CCAR1: variants seen among roughly 807,000 people sequenced by gnomAD.
CCAR1 encodes cell division cycle and apoptosis regulator protein 1.
A neutral mutation model predicts 163.8 loss-of-function variants in CCAR1; 78 were observed. The observed-to-expected ratio is 0.48, with a 90% confidence interval of 0.40 to 0.57. The LOEUF (loss-of-function observed/expected upper bound fraction) is 0.57, where lower values mean the gene tolerates loss of function less well. CCAR1 is among the 20% of genes least tolerant of loss of function. The pLI is 0.00. For synonymous variants in CCAR1, 443 were observed against 460.7 expected, an observed-to-expected ratio of 0.96 and a Z score of 0.49; for missense variants, 1,019 against 1,365.2, an observed-to-expected ratio of 0.75 and a Z score of 4.00.
intron 19 of CCAR1, among the ~76,000 whole-genome samples, chr10:68,780,668 A>G (rs1483578805): frequency 2.0e-5 from 3 of 152,178 alleles, no homozygotes; most frequent in African/African-American, 4.8e-5. Context: ...TTCCAACAGC[A>G]TGTGCCACTT....
At position 68,749,578 on chromosome 10, in the gene CCAR1, A is replaced by G. The variant is rs1357094871; in HGVS notation, c.1011A>G (p.Lys337=). The G allele has an allele frequency of 1.9e-6, 3 of 1,614,030 alleles. No individual in the cohort carries two copies. The highest frequency in any genetic ancestry group is 2.5e-6 in the Non-Finnish European group (3 of 1,179,930). ...RRSRERSPQR[K]RSRERSPRRE... Reference sequence around the variant, plus strand: ...CGAGAGAAAGATCACCTCAGAGGAAACGTTCCCGGGAAAGATCTCCACGAA... The same window carrying G: ...CGAGAGAAAGATCACCTCAGAGGAAGCGTTCCCGGGAAAGATCTCCACGAA... The change falls in exon 10 of 25, where the codon AAA becomes AAG. Residue 337 remains lysine (K), a synonymous_variant. Transcript: ENST00000265872.
At chr10:68,776,122 C>G (rs1430078043) in intron 19 of CCAR1, among the ~76,000 whole-genome samples, 7 of 152,154 alleles carry the variant, frequency 4.6e-5, no homozygotes, top group African/African-American at 1.7e-4. Flanking sequence ...AGCCACTGAC[C>G]CCAGCCCAGC....
chr10:68,742,595 T>A, intron 6 of CCAR1, 26 bp downstream of exon 6: 3 of 1,559,278 alleles, frequency 1.9e-6, no homozygotes. Flanking sequence ...TCTTGTCACA[T>A]GGCTTCTTGC....
intron 17 of CCAR1, among the ~76,000 whole-genome samples, chr10:68,766,449 C>T (rs997550569): frequency 2.6e-5 from 4 of 151,740 alleles, no homozygotes; most frequent in Non-Finnish European, 2.9e-5. Flanking sequence ...GTGATCTGCC[C>T]GCCTCAGCCT....
At chr10:68,746,520 G>C (rs1482638790) in intron 6 of CCAR1, among the ~76,000 whole-genome samples, 1 of 152,120 alleles carries the variant, frequency 6.6e-6, no homozygotes, top group Non-Finnish European at 1.5e-5. Context: ...GTCACCCAAA[G>C]TGCTGAGATT....
Position 68,766,228 on chromosome 10 carries a change from A to G in CCAR1, c.2298+149A>G, listed in dbSNP as rs1278665859. On this transcript the variant is annotated intron_variant, in intron 17 of 24. Transcript: ENST00000265872. ...TTGTTTTTGTTTTTTTTTGAGACAG[A>G]GTTTCACTCTGTTACCCATGCTGGA... 5.0e-6 allele frequency: 3 copies of G among 598,292 alleles called. No individual in the cohort carries two copies. The African/African-American group carries it at 5.7e-5, about 11-fold the overall frequency. 37.1% of individuals were successfully genotyped at this position (598,292 alleles called of 1,614,324 possible).
At chr10:68,760,084 G>A (rs529094502) in intron 15 of CCAR1, among the ~76,000 whole-genome samples, 3 of 152,142 alleles carry the variant, frequency 2.0e-5, no homozygotes, top group African/African-American at 7.2e-5. Context: ...CTTCCACCTT[G>A]GACTCCAAAG....
chr10:68,768,772 C>A (rs534570006), intron 17 of CCAR1, among the ~76,000 whole-genome samples: 1 of 151,912 alleles, frequency 6.6e-6, no homozygotes, highest in Non-Finnish European at 1.5e-5. Context: ...GAGTCTGAGG[C>A]CAGCCTGGGC....
rs375332904 is a variant in CCAR1 at position 68,740,887 on chromosome 10, A to T, written c.324+226A>T. On this transcript the variant is annotated intron_variant, in intron 5 of 24. Transcript: ENST00000265872. ...TTGAATAAATATGAGGTTTTATTTT[A>T]TTTATTTATTTATTTATTTATTTAT... 1.7e-3 allele frequency among the ~76,000 whole-genome samples: 196 copies of T among 114,758 alleles called. 1 individual carries two copies. The South Asian group carries it at 0.018, about 11-fold the overall frequency. The allele number at this position is 114,758 out of a possible 152,430, so 75.3% of individuals were successfully genotyped here. A position where few individuals can be genotyped will look rare whatever the true frequency, so the allele number is the denominator to read the frequency against.
rs2055870903 is a variant in CCAR1, at chr10:68,722,328, AGTT to A, written c.-50-123_-50-121del. The A allele has an allele frequency of 1.2e-5, 7 of 607,672 alleles. No homozygotes were observed. The Middle Eastern group carries it at 1.4e-3, about 119-fold the overall frequency. 37.6% of individuals were successfully genotyped at this position (607,672 alleles called of 1,614,324 possible). A position where few individuals can be genotyped will look rare whatever the true frequency, so the allele number is the denominator to read the frequency against. Reference sequence around the variant, plus strand: ...TTCATTTGCCCTTTTTCTACTTAACAGTTGTTATTTCTGCTGAAATCTGCGAAG... The same window carrying A: ...TTCATTTGCCCTTTTTCTACTTAACAGTTATTTCTGCTGAAATCTGCGAAG... On this transcript the variant is annotated intron_variant, in intron 1 of 24. Transcript: ENST00000265872.
intron 19 of CCAR1, among the ~76,000 whole-genome samples, chr10:68,784,539 TTCTGTGGGTCAGATGCTATCAAAC>T (rs2056773980): frequency 6.6e-6 from 1 of 152,134 alleles, no homozygotes; most frequent in South Asian, 2.1e-4. Flanking sequence ...AAAGAGGTTA[TTCTGTGGGTCAGATGCTATCAAAC>T]AGCATCACAT....
chr10:68,781,224 C>T (rs1281242830), intron 19 of CCAR1, among the ~76,000 whole-genome samples: 6 of 150,538 alleles, frequency 4.0e-5, no homozygotes, highest in African/African-American at 7.4e-5. Context: ...CAGAGTGAGA[C>T]TCTGTCTCCA....
Position 68,722,456 on chromosome 10 carries a change from T to G in CCAR1, c.-49T>G. 7.1e-7 allele frequency: 1 copy of G among 1,404,680 alleles called. No homozygotes were observed. The highest frequency in any genetic ancestry group is 1.0e-6 in the Non-Finnish European group (1 of 988,904). The allele number at this position is 1,404,680 out of a possible 1,614,324, so 87.0% of individuals were successfully genotyped here. On this transcript the variant is annotated splice_region_variant and 5_prime_UTR_variant, in exon 2 of 25. Transcript: ENST00000265872. ...AAATGTGGATCCTTTTCTTGATAGA[T>G]CGATGCTATAGAAGACAAACAAGGG...
At chr10:68,733,494 T>C (rs954702868) in intron 2 of CCAR1, among the ~76,000 whole-genome samples, 14 of 85,716 alleles carry the variant, frequency 1.6e-4, no homozygotes, top group African/African-American at 4.6e-4. Flanking sequence ...AGTTTTCTTT[T>C]CACTGTAGAT....
chr10:68,738,243 C>T (rs1286003142), intron 4 of CCAR1, among the ~76,000 whole-genome samples: 1 of 151,784 alleles, frequency 6.6e-6, no homozygotes, highest in Non-Finnish European at 1.5e-5. Flanking sequence ...GGAGAAACCC[C>T]ATCTCTACTA....
chr10:68,723,682 A>G (rs1324694543), intron 2 of CCAR1, among the ~76,000 whole-genome samples: 3 of 148,822 alleles, frequency 2.0e-5, no homozygotes, highest in African/African-American at 7.4e-5. Context: ...CCCCGTCTCT[A>G]CTAAAAATAC....
At chr10:68,764,088 C>CTATATT (rs1050694768) in intron 16 of CCAR1, among the ~76,000 whole-genome samples, 96 of 152,228 alleles carry the variant, frequency 6.3e-4, no homozygotes, top group African/African-American at 2.2e-3. Context: ...ATATTTAAAT[C>CTATATT]TATATTTATT....
chr10:68,744,480 A>T (rs2056226681), intron 6 of CCAR1, among the ~76,000 whole-genome samples: 3 of 152,338 alleles, frequency 2.0e-5, no homozygotes, highest in South Asian at 2.1e-4. Context: ...AAAAATATTA[A>T]CATTGAAAAA....
In CCAR1 at chr10:68,771,203, T is replaced by C. The variant is rs1362054488; in HGVS notation, c.2299-3T>C. ...CTAGGTTCATGTTGATATCTTTTTA[T>C]AGGTTTCATTGTTTGCGGAACTTTT... On this transcript the variant is annotated splice_polypyrimidine_tract_variant and splice_region_variant and intron_variant, in intron 17 of 24. Coordinates refer to ENST00000265872, the MANE Select transcript of CCAR1 (RefSeq NM_018237.4). 1.3e-6 allele frequency: 2 copies of C among 1,578,456 alleles called. No individual in the cohort carries two copies. The highest frequency in any genetic ancestry group is 1.7e-6 in the Non-Finnish European group (2 of 1,168,908).
Sources: gnomAD v4.1 joint callset for allele counts (sites outside exome capture counted in the v4.1 genomes callset) on GRCh38, gnomAD v4.1.1 for gene constraint, MANE v1.5 for transcripts, NCBI Gene and HGNC (gene_info 2026-07-23, HGNC 2026-07-21) for gene names.